The following GNA14 variants were observed in gnomAD, a reference collection of about 807,000 sequenced individuals.
GNA14 encodes the protein G protein subunit alpha 14, also known as guanine nucleotide-binding protein subunit alpha-14.
GNA14 carries 50 observed loss-of-function variants against 42.0 expected under a neutral mutation model. That is an observed-to-expected ratio of 1.19 (90% CI 0.95 to 1.51). The LOEUF is 1.51. GNA14 is among the 40% of genes most tolerant of loss of function. The probability of loss-of-function intolerance (pLI) is 0.00; values close to 1 mark genes in which losing one functional copy is unlikely to be tolerated. For synonymous variants in GNA14, 173 were observed against 163.1 expected (o/e 1.06, Z -0.46); for missense variants, 473 against 446.2 (o/e 1.06, Z -0.54).
chr9:77,617,838 G>A lies in GNA14; in HGVS notation c.124+29832C>T, dbSNP rs1823848277. On this transcript the variant is annotated intron_variant, in intron 1 of 6. Coordinates refer to ENST00000341700, the MANE Select transcript of GNA14 (RefSeq NM_004297.4). ...CACTTCCTGGTACATTGTTCCCTGG[G>A]TCTTCATATAGTTTATACCATCTCT... 2.0e-5 allele frequency among the ~76,000 whole-genome samples: 3 copies of A among 151,866 alleles called. No individual in the cohort carries two copies. The South Asian group carries it at 6.3e-4, about 32-fold the overall frequency.
rs1434299065 is a variant in GNA14 at position 77,493,032 on chromosome 9, T to A, written c.309+36037A>T. The stretch of plus-strand genomic sequence containing the variant: ...AAAAAAAAAAAAAAAAAAAAATATA[T>A]ATATATATATATATTTGGGAGATGC... On this transcript the variant is annotated intron_variant, in intron 2 of 6. Transcript: ENST00000341700. Among the ~76,000 whole-genome samples, 153 of 120,800 alleles carry A rather than the reference T, an allele frequency of 1.3e-3. 3 individuals carry two copies. The highest frequency in any genetic ancestry group is 4.7e-3 in the African/African-American group (135 of 28,630). 79.2% of individuals were successfully genotyped at this position (120,800 alleles called of 152,430 possible).
intron 2 of GNA14, among the ~76,000 whole-genome samples, chr9:77,504,660 CTTTT>C (rs34631344): frequency 5.1e-4 from 39 of 76,200 alleles, no homozygotes; most frequent in African/African-American, 1.8e-3. Flanking sequence ...GTCTGGCCGA[CTTTT>C]TTTTTTTTTT....
intron 6 of GNA14, 93 bp from the exon 7 acceptor site, chr9:77,424,262 G>T: frequency 1.2e-6 from 1 of 848,896 alleles, no homozygotes; most frequent in South Asian, 1.9e-5. Context: ...TCGCTCTGTA[G>T]CCCAGGCTGG....
intron 2 of GNA14, among the ~76,000 whole-genome samples, chr9:77,473,414 C>T (rs918422357): frequency 6.6e-6 from 1 of 152,058 alleles, no homozygotes; most frequent in Non-Finnish European, 1.5e-5. Flanking sequence ...CAAGATCATG[C>T]CACTGCACTC....
intron 1 of GNA14, among the ~76,000 whole-genome samples, chr9:77,609,705 C>T (rs1042288699): frequency 4.6e-5 from 7 of 152,124 alleles, no homozygotes; most frequent in Non-Finnish European, 1.0e-4. Flanking sequence ...TTCAGGCAGC[C>T]ATCACGCCTT....
At chr9:77,426,104 C>T (rs568346577) in intron 5 of GNA14, among the ~76,000 whole-genome samples, 22 of 152,278 alleles carry the variant, frequency 1.4e-4, no homozygotes, top group Non-Finnish European at 2.4e-4. Flanking sequence ...AGACCTGACA[C>T]GGCCACCTCA....
intron 1 of GNA14, among the ~76,000 whole-genome samples, chr9:77,551,294 T>C (rs1342810315): frequency 6.6e-6 from 1 of 152,142 alleles, no homozygotes; most frequent in East Asian, 1.9e-4. Flanking sequence ...GAATCTTCAA[T>C]TTCTACTCAT....
At chr9:77,580,282 G>A in intron 1 of GNA14, 1 of 312,056 alleles carries the variant, frequency 3.2e-6, no homozygotes, top group Non-Finnish European at 6.6e-6. Flanking sequence ...ACTGAATCCA[G>A]CTTCATTCAA....
rs1467173702 is a variant in GNA14, at chr9:77,580,054, TTTAA to T, written c.125-50805_125-50802del. 8.9e-4 allele frequency among the ~76,000 whole-genome samples: 136 copies of T among 152,308 alleles called. 1 individual carries two copies. Among genetic ancestry groups the T allele is most frequent in the Non-Finnish European group, 2.4e-4 (16 of 68,026 alleles). ...CACTTGTAGCTTCCTTCCACTCTCA[TTTAA>T]TATATAGCACATAACCAGGGTGACT... On this transcript the variant is annotated intron_variant, in intron 1 of 6. Transcript: ENST00000341700.
chr9:77,641,100 GGAAGGAAGGAAGGAA>G lies in GNA14; in HGVS notation c.124+6555_124+6569del, dbSNP rs1564073583. 4.5e-3 allele frequency among the ~76,000 whole-genome samples: 5 copies of G among 1,120 alleles called. 1 individual carries two copies. The highest frequency in any genetic ancestry group is 0.034 in the Admixed American group (4 of 118). 0.7% of individuals were successfully genotyped at this position (1,120 alleles called of 152,430 possible). On this transcript the variant is annotated intron_variant, in intron 1 of 6. Coordinates refer to ENST00000341700, the MANE Select transcript of GNA14 (RefSeq NM_004297.4). ...GGGAGGGGAGGGGAGGGGAGGGGGG[GGAAGGAAGGAAGGAA>G]GGAAGGAAGGAAGGAAGGAAGGAAG...
At chr9:77,571,501 A>C (rs1823058686) in intron 1 of GNA14, among the ~76,000 whole-genome samples, 1 of 152,146 alleles carries the variant, frequency 6.6e-6, no homozygotes, top group African/African-American at 2.4e-5. Context: ...TTGGTTTGGG[A>C]AGTACTGTAA....
intron 2 of GNA14, among the ~76,000 whole-genome samples, chr9:77,474,195 C>T (rs1836378683): frequency 1.3e-5 from 2 of 152,088 alleles, no homozygotes; most frequent in Admixed American, 1.3e-4. Context: ...CTTTAAGGAA[C>T]ACTTGTCAAA....
At position 77,455,675 on chromosome 9, in the gene GNA14, T is replaced by A. The variant is rs140158699; in HGVS notation, c.310-21153A>T. ...GTCTCTGTTCACATGATGCCCCACA[T>A]AAGGAATATATATTCTTGGAGTTAA... is the stretch of plus-strand genomic sequence containing the variant. On this transcript the variant is annotated intron_variant, in intron 2 of 6. Coordinates refer to ENST00000341700, the MANE Select transcript of GNA14 (RefSeq NM_004297.4). Among the ~76,000 whole-genome samples, 604 of 152,320 alleles carry A rather than the reference T, an allele frequency of 4.0e-3. 6 individuals are homozygous for A. The highest frequency in any genetic ancestry group is 0.014 in the African/African-American group (579 of 41,564).
intron 2 of GNA14, among the ~76,000 whole-genome samples, chr9:77,487,035 C>T (rs1356870734): frequency 1.4e-5 from 2 of 142,506 alleles, no homozygotes; most frequent in African/African-American, 5.2e-5. Flanking sequence ...AAAAAAAAGG[C>T]AATATATATA....
chr9:77,626,255 C>G (rs576334658), intron 1 of GNA14, among the ~76,000 whole-genome samples: 2 of 152,122 alleles, frequency 1.3e-5, no homozygotes, highest in African/African-American at 4.8e-5. Context: ...TTCTTAGAGA[C>G]CTACAAAGAG....
At chr9:77,597,514 A>C (rs186524813) in intron 1 of GNA14, among the ~76,000 whole-genome samples, 66 of 151,982 alleles carry the variant, frequency 4.3e-4, no homozygotes, top group Non-Finnish European at 5.9e-4. Flanking sequence ...CCCCAATTCA[A>C]ATGATTCTTT....
chr9:77,520,338 T>C (rs929008665), intron 2 of GNA14, among the ~76,000 whole-genome samples: 2 of 152,168 alleles, frequency 1.3e-5, no homozygotes, highest in African/African-American at 4.8e-5. Context: ...GAAAATGCAA[T>C]TCTGAAAGAA....
chr9:77,622,070 C>A lies in GNA14; in HGVS notation c.124+25600G>T, dbSNP rs552882530. 5.3e-5 allele frequency among the ~76,000 whole-genome samples: 8 copies of A among 152,188 alleles called. No homozygotes were observed. In the South Asian group the frequency reaches 6.2e-4, roughly 12 times the overall value. ...CATCCCAAAGTTCTGGGATTACAGGCACAAGCCACTGCGCCAGGCCTAATT... is the reference window on the plus strand; with the variant it reads ...CATCCCAAAGTTCTGGGATTACAGGAACAAGCCACTGCGCCAGGCCTAATT... On this transcript the variant is annotated intron_variant, in intron 1 of 6. Transcript: ENST00000341700.
intron 2 of GNA14, among the ~76,000 whole-genome samples, chr9:77,488,784 TAAAAAAAAAAA>T (rs67416479): frequency 1.3e-4 from 7 of 53,684 alleles, no homozygotes; most frequent in African/African-American, 5.2e-4. Flanking sequence ...CACACCTAAT[TAAAAAAAAAAA>T]AAAAAAAAAA....
Sources: allele counts gnomAD v4.1 joint callset (sites outside exome capture counted in the v4.1 genomes callset), GRCh38; gene constraint gnomAD v4.1.1; transcripts MANE v1.5; gene names NCBI Gene and HGNC (gene_info 2026-07-23, HGNC 2026-07-21).